ERI3: variants seen among roughly 807,000 people sequenced by gnomAD.
ERI3 encodes the protein ERI1 exoribonuclease family member 3.
In ERI3, 18 loss-of-function variants were observed where a neutral mutation model predicts 44.4. The observed-to-expected ratio is 0.41, with a 90% confidence interval of 0.28 to 0.60. The LOEUF is 0.60. Among genes scored for constraint, ERI3 ranks in the 20% least tolerant of loss-of-function variants. ERI3 has a pLI of 0.36. For synonymous variants in ERI3, 183 were observed against 164.8 expected, an observed-to-expected ratio of 1.11 and a Z score of -0.84; for missense variants, 294 against 435.5, an observed-to-expected ratio of 0.68 and a Z score of 2.89.
intron 2 of ERI3, among the ~76,000 whole-genome samples, chr1:44,348,013 C>T (rs1646818250): frequency 6.6e-6 from 1 of 152,078 alleles, no homozygotes; most frequent in Admixed American, 6.6e-5. Context: ...TCCCAGCACC[C>T]AGCACAGGAC....
chr1:44,355,059 G>A lies in ERI3; in HGVS notation c.-33C>T. ...CCCCCTCCTCGGGGCCAGCGCGGCA[G>A]GCTCCCTCCAGGTGCAGGCCCCGAC... On this transcript the variant is annotated 5_prime_UTR_variant, in exon 1 of 9. Coordinates refer to ENST00000372257, the MANE Select transcript of ERI3 (RefSeq NM_024066.3). 1 of 1,349,890 alleles carries A rather than the reference G, an allele frequency of 7.4e-7. No individual in the cohort carries two copies. Among genetic ancestry groups the A allele is most frequent in the Non-Finnish European group, 9.6e-7 (1 of 1,046,690 alleles). 83.6% of individuals were successfully genotyped at this position (1,349,890 alleles called of 1,614,324 possible).
intron 7 of ERI3, among the ~76,000 whole-genome samples, chr1:44,271,460 C>G (rs1034140518): frequency 3.9e-5 from 6 of 152,202 alleles, no homozygotes; most frequent in Non-Finnish European, 7.3e-5. Context: ...AATGACTCCT[C>G]CCTCCTTTGC....
chr1:44,354,660 T>C (rs1268038880), intron 1 of ERI3: 3 of 985,296 alleles, frequency 3.0e-6, no homozygotes, highest in Non-Finnish European at 3.6e-6. Flanking sequence ...CAAACCTTTT[T>C]CTTCTCTAGT....
At chr1:44,266,865 G>T (rs1398166090) in intron 7 of ERI3, among the ~76,000 whole-genome samples, 1 of 152,164 alleles carries the variant, frequency 6.6e-6, no homozygotes, top group Non-Finnish European at 1.5e-5. Flanking sequence ...TTTGGCACAG[G>T]GCAGGTCCTC....
intron 7 of ERI3, among the ~76,000 whole-genome samples, chr1:44,260,097 T>C (rs188997541): frequency 1.3e-3 from 202 of 152,310 alleles, no homozygotes; most frequent in Non-Finnish European, 2.2e-3. Flanking sequence ...CACTGAATAT[T>C]CACACATTCA....
At chr1:44,352,431 T>C (rs1646912897) in intron 2 of ERI3, among the ~76,000 whole-genome samples, 2 of 151,522 alleles carry the variant, frequency 1.3e-5, no homozygotes, top group South Asian at 4.2e-4. Flanking sequence ...GATAGATAGA[T>C]AGATAGATAG....
chr1:44,235,919 C>T lies in ERI3; in HGVS notation c.931+12020G>A, dbSNP rs1644293294. On this transcript the variant is annotated intron_variant, in intron 8 of 8. Coordinates refer to ENST00000372257, the MANE Select transcript of ERI3 (RefSeq NM_024066.3). This position sits in a 1 kb window ranked among gnomAD's most constrained non-coding sequence, Gnocchi z 4.6. ...TAGGGACTCTGGGAAGGGGGGATGCCCTCCCTAAGCCGTGTCCCACCTGGT... is the reference window on the plus strand; with the variant it reads ...TAGGGACTCTGGGAAGGGGGGATGCTCTCCCTAAGCCGTGTCCCACCTGGT... Among the ~76,000 whole-genome samples the T allele has an allele frequency of 6.6e-6, 1 of 152,174 alleles. No individual in the cohort carries two copies.
At chr1:44,347,312 A>C (rs1008296517) in intron 2 of ERI3, among the ~76,000 whole-genome samples, 1 of 152,226 alleles carries the variant, frequency 6.6e-6, no homozygotes, top group African/African-American at 2.4e-5. Context: ...CCTGAGCACA[A>C]GAGCAGAATT....
chr1:44,304,085 G>C (rs1296374750), intron 6 of ERI3, among the ~76,000 whole-genome samples: 2 of 152,090 alleles, frequency 1.3e-5, no homozygotes, highest in Non-Finnish European at 2.9e-5. Context: ...GGGAATGATG[G>C]AGGACAGGGT....
At chr1:44,291,804 C>G (rs564011929) in intron 6 of ERI3, among the ~76,000 whole-genome samples, 1 of 152,214 alleles carries the variant, frequency 6.6e-6, no homozygotes, top group South Asian at 2.1e-4. Context: ...GGAGAGGAGC[C>G]TGGCCTTTTC....
intron 7 of ERI3, among the ~76,000 whole-genome samples, chr1:44,250,611 C>T (rs543528961): frequency 1.2e-3 from 177 of 152,242 alleles, no homozygotes; most frequent in African/African-American, 4.0e-3. Context: ...AGAGCGAGGG[C>T]GAGATGAATT....
Position 44,355,215 on chromosome 1 carries a change from G to C in ERI3, c.-189C>G, listed in dbSNP as rs1444278463. 6.7e-6 allele frequency: 8 copies of C among 1,190,692 alleles called. No individual in the cohort carries two copies. The East Asian group carries it at 1.4e-4, about 21-fold the overall frequency. The allele number at this position is 1,190,692 out of a possible 1,614,324, so 73.8% of individuals were successfully genotyped here. A position where few individuals can be genotyped will look rare whatever the true frequency, so the allele number is the denominator to read the frequency against. On this transcript the variant is annotated 5_prime_UTR_variant, in exon 1 of 9. Transcript: ENST00000372257. Reference sequence around the variant, plus strand: ...CCCCACCGCCCGTTCCCGGCCGCCTGAACAGCGGCAGCCAGCACCACGAGT... The same window carrying C: ...CCCCACCGCCCGTTCCCGGCCGCCTCAACAGCGGCAGCCAGCACCACGAGT...
In ERI3 at chr1:44,319,741, T is replaced by C; in HGVS notation, c.493A>G (p.Ile165Val). The change falls in exon 4 of 9, where the codon ATC (isoleucine) becomes GTC (valine). Residue 165 changes from isoleucine to valine, a missense_variant. Physicochemically the swap from Ile to Val is conservative, Grantham distance 29 (BLOSUM62 3). Transcript: ENST00000372257. The stretch of plus-strand genomic sequence containing the variant: ...AGCTTTAGGATGGGGAACTCGATGA[T>C]TTCCTGGAGTGCCAAAGATACAGAA... ...CDKPQIHPQE[I>V]IEFPILKLNG... 1 of 1,605,876 alleles carries C rather than the reference T, an allele frequency of 6.2e-7. No homozygotes were observed. Among genetic ancestry groups the C allele is most frequent in the South Asian group, 1.1e-5 (1 of 90,820 alleles).
chr1:44,293,698 G>A (rs1645554602), intron 6 of ERI3, among the ~76,000 whole-genome samples: 1 of 152,356 alleles, frequency 6.6e-6, no homozygotes, highest in Admixed American at 6.5e-5. Flanking sequence ...CAACTAGAAA[G>A]CAGTAAAGCC....
intron 3 of ERI3, chr1:44,322,593 G>A: frequency 1.7e-6 from 2 of 1,175,698 alleles, no homozygotes; most frequent in Non-Finnish European, 2.3e-6. Context: ...CACAACATGA[G>A]GAGCTGTTAT....
At chr1:44,328,092 T>C (rs1349494596) in intron 3 of ERI3, among the ~76,000 whole-genome samples, 1 of 152,076 alleles carries the variant, frequency 6.6e-6, no homozygotes, top group Non-Finnish European at 1.5e-5. Flanking sequence ...TGTGGGGTGG[T>C]TCATAGATTC....
At chr1:44,311,890 A>C (rs1645980318) in intron 5 of ERI3, among the ~76,000 whole-genome samples, 4 of 151,870 alleles carry the variant, frequency 2.6e-5, no homozygotes, top group Admixed American at 2.0e-4. Context: ...TGGTCATAGG[A>C]ATGAATCTCT....
At chr1:44,226,251 G>T (rs1438268629) in intron 8 of ERI3, among the ~76,000 whole-genome samples, 1 of 151,926 alleles carries the variant, frequency 6.6e-6, no homozygotes. Flanking sequence ...TGAAGCTGGT[G>T]GTCAGTGACT....
At chr1:44,266,308 C>T (rs1025755285) in intron 7 of ERI3, among the ~76,000 whole-genome samples, 9 of 152,126 alleles carry the variant, frequency 5.9e-5, no homozygotes, top group African/African-American at 1.9e-4. Flanking sequence ...ACTTCCTAGC[C>T]AAATGGAATA....
Sources: allele counts gnomAD v4.1 joint callset (sites outside exome capture counted in the v4.1 genomes callset), GRCh38; gene constraint gnomAD v4.1.1; non-coding constraint Gnocchi (gnomAD v3.1); transcripts MANE v1.5; gene names NCBI Gene and HGNC (gene_info 2026-07-23, HGNC 2026-07-21).